The following EPG5 variants were observed in gnomAD, a reference collection of about 807,000 sequenced individuals.
The protein encoded by EPG5 is ectopic P granules protein 5 homolog.
A neutral mutation model predicts 302.7 loss-of-function variants in EPG5; 159 were observed. The observed-to-expected ratio is 0.53, with a 90% CI of 0.46 to 0.60. The LOEUF (loss-of-function observed/expected upper bound fraction) is 0.60. EPG5 is among the 20% of genes least tolerant of loss of function. The probability of loss-of-function intolerance (pLI) is 0.00; values close to 1 mark genes in which losing one functional copy is unlikely to be tolerated. For synonymous variants in EPG5, 1,158 were observed against 1,136.8 expected (o/e 1.02, Z -0.37); for missense variants, 2,896 against 3,092.4 (o/e 0.94, Z 1.51).
At chr18:45,916,789 C>A in intron 17 of EPG5, 1 of 434,442 alleles carries the variant, frequency 2.3e-6, no homozygotes, top group Non-Finnish European at 4.1e-6. Flanking sequence ...GTATTAAGAA[C>A]AGATCCACGA....
intron 39 of EPG5, among the ~76,000 whole-genome samples, chr18:45,864,463 CCT>C (rs916887442): frequency 2.0e-4 from 31 of 152,290 alleles, no homozygotes; most frequent in African/African-American, 7.0e-4. Flanking sequence ...TATCTTCAAT[CCT>C]CTCTTATTTC....
At chr18:45,923,456 A>C in intron 14 of EPG5, 69 bp from the exon 15 acceptor site, 1 of 1,518,262 alleles carries the variant, frequency 6.6e-7, no homozygotes, top group Middle Eastern at 1.7e-4. Context: ...CTTTGAATCA[A>C]AACATTAGGC....
chr18:45,815,021 C>T, the EPG5 span, among the ~76,000 whole-genome samples: 2 of 152,116 alleles, frequency 1.3e-5, no homozygotes, highest in East Asian at 3.9e-4. Flanking sequence ...TGAGTGCTCT[C>T]AGGAGAGCCC....
intron 11 of EPG5, among the ~76,000 whole-genome samples, chr18:45,931,629 G>A (rs909656902): frequency 6.6e-6 from 1 of 152,150 alleles, no homozygotes; most frequent in Non-Finnish European, 1.5e-5. Context: ...GAAGTCAGGA[G>A]TTTGAGGCCA....
chr18:45,898,204 C>A (rs1035602426), intron 27 of EPG5, among the ~76,000 whole-genome samples: 2 of 152,170 alleles, frequency 1.3e-5, no homozygotes, highest in Admixed American at 6.5e-5. Flanking sequence ...TACTACAAAA[C>A]CCCATCTCTA....
At chr18:45,960,382 C>T (rs1374357990) in intron 1 of EPG5, among the ~76,000 whole-genome samples, 2 of 152,184 alleles carry the variant, frequency 1.3e-5, no homozygotes, top group African/African-American at 4.8e-5. Flanking sequence ...TCAAATGGTC[C>T]TCCTGCCTAG....
chr18:45,884,531 G>T, intron 30 of EPG5, 86 bp downstream of exon 30: 1 of 1,278,202 alleles, frequency 7.8e-7, no homozygotes, highest in African/African-American at 1.6e-5. Context: ...AAACAAAACT[G>T]CAGAGGTCCT....
At chr18:45,915,478 G>C in intron 20 of EPG5, 33 bp downstream of exon 20, 2 of 1,444,508 alleles carry the variant, frequency 1.4e-6, no homozygotes, top group Non-Finnish European at 1.9e-6. Flanking sequence ...AGTTCACAAA[G>C]ATAACAAATG....
chr18:45,802,808 C>T, the EPG5 span, among the ~76,000 whole-genome samples: 1 of 152,232 alleles, frequency 6.6e-6, no homozygotes, highest in Admixed American at 6.5e-5. Context: ...CAGAAAATGT[C>T]TTCTAATGAC....
chr18:45,842,109 C>G, the EPG5 span: 1 of 1,614,104 alleles, frequency 6.2e-7, no homozygotes, highest in Non-Finnish European at 8.5e-7. Context: ...TCCACAGGTC[C>G]CAGGCCCAGG....
At position 45,967,220 on chromosome 18, in the gene EPG5, G is replaced by C. The variant is rs1368802413; in HGVS notation, c.20C>G (p.Pro7Arg). 1 of 1,605,140 alleles carries C rather than the reference G, an allele frequency of 6.2e-7. No homozygotes were observed. The highest frequency in any genetic ancestry group is 1.1e-5 in the South Asian group (1 of 89,352). Residue 7 changes from proline to arginine, a missense_variant, in exon 1 of 44, where the codon CCC (proline) becomes CGC (arginine). This residue lies in a region of EPG5 where 1,390 missense variants were observed against 1,430.0 expected (regional missense o/e 0.97). Transcript: ENST00000282041. Reference sequence around the variant, plus strand: ...GGCCTTGGCCTTGGCCCGGCGCTGGGGCTTCACCGCCTCGGCCATAGACCC... The same window carrying C: ...GGCCTTGGCCTTGGCCCGGCGCTGGCGCTTCACCGCCTCGGCCATAGACCC... MAEAVK[P>R]QRRAKAKASR...
chr18:45,809,252 T>G, the EPG5 span, among the ~76,000 whole-genome samples: 2 of 151,748 alleles, frequency 1.3e-5, no homozygotes, highest in East Asian at 3.9e-4. Flanking sequence ...AAAAGTGAGA[T>G]AGACAGCAAC....
the EPG5 span, among the ~76,000 whole-genome samples, chr18:45,815,786 C>A: frequency 6.6e-6 from 1 of 152,134 alleles, no homozygotes; most frequent in Non-Finnish European, 1.5e-5. Context: ...TTAGAAAAAG[C>A]AATTCTGAAA....
chr18:45,907,181 CAT>C (rs1235266728), intron 24 of EPG5: 3 of 152,132 alleles, frequency 2.0e-5, no homozygotes, highest in Non-Finnish European at 4.4e-5. Flanking sequence ...AAAATATACA[CAT>C]GATGTGAAAG....
At chr18:45,854,480 C>T (rs1018659396) in intron 43 of EPG5, among the ~76,000 whole-genome samples, 1 of 152,166 alleles carries the variant, frequency 6.6e-6, no homozygotes, top group African/African-American at 2.4e-5. Context: ...ACTTCCAGCC[C>T]CAACACTTAC....
intron 31 of EPG5, among the ~76,000 whole-genome samples, 188 bp from the exon 32 acceptor site, chr18:45,880,411 C>T (rs1306229474): frequency 6.6e-6 from 1 of 152,224 alleles, no homozygotes; most frequent in Non-Finnish European, 1.5e-5. Context: ...GCCACCTGCA[C>T]ATTTGGTTTT....
chr18:45,834,227 G>A, the EPG5 span, among the ~76,000 whole-genome samples: 1 of 152,092 alleles, frequency 6.6e-6, no homozygotes, highest in Non-Finnish European at 1.5e-5. Context: ...ACCCTCTCCT[G>A]TCAGCCTGGA....
At chr18:45,836,907 T>C in the EPG5 span, 4 of 659,682 alleles carry the variant, frequency 6.1e-6, no homozygotes, top group Non-Finnish European at 1.1e-5. Flanking sequence ...ATGCAGGCTG[T>C]AGAGTGAGGC....
Position 45,917,709 on chromosome 18 carries a change from G to C in EPG5, c.3209C>G (p.Pro1070Arg). Reference protein sequence around the residue: ...VLDKILPLFYPCQYYLLKNEQ... With the variant: ...VLDKILPLFYRCQYYLLKNEQ... ...ATTCTTCAGAAGGTAATACTGGCAA[G>C]GGTAAAATAAAGGCAGAATCTTATC... Residue 1070 changes from proline (P) to arginine (R), a missense_variant, in exon 17 of 44, where the codon CCT (proline) becomes CGT (arginine). Pro to Arg is a moderately radical substitution (Grantham distance 103). Around this residue, in one of 5 missense-constraint regions of EPG5, gnomAD observed 1,390 missense variants for 1,430.0 expected, o/e 0.97. Coordinates refer to ENST00000282041, the MANE Select transcript of EPG5 (RefSeq NM_020964.3). 1 of 1,614,136 alleles carries C rather than the reference G, an allele frequency of 6.2e-7. No individual in the cohort carries two copies. The highest frequency in any genetic ancestry group is 8.5e-7 in the Non-Finnish European group (1 of 1,179,988).
Sources: gnomAD v4.1 joint callset for allele counts (sites outside exome capture counted in the v4.1 genomes callset) on GRCh38, gnomAD v4.1.1 for gene constraint, gnomAD v4.1.1 regional missense constraint, MANE v1.5 for transcripts, NCBI Gene and HGNC (gene_info 2026-07-23, HGNC 2026-07-21) for gene names.